Variants in YIPF7 observed in about 807,000 individuals in gnomAD.
YIPF7 encodes protein YIPF7.
In YIPF7, 35 loss-of-function variants were observed where a neutral mutation model predicts 27.2. The ratio of observed to expected loss-of-function variants is 1.29; its 90% CI spans 0.98 to 1.70. The LOEUF is 1.70. Among genes scored for constraint, YIPF7 ranks in the 40% most tolerant of loss-of-function variants. The probability of loss-of-function intolerance (pLI) is 0.00; values close to 1 mark genes in which losing one functional copy is unlikely to be tolerated. For missense variants in YIPF7, 358 were observed against 303.7 expected (o/e 1.18, Z -1.33); for synonymous variants, 137 against 110.4 (o/e 1.24, Z -1.51).
intron 2 of YIPF7, among the ~76,000 whole-genome samples, chr4:44,649,498 C>T (rs1713648276): frequency 6.6e-6 from 1 of 152,044 alleles, no homozygotes; most frequent in African/African-American, 2.4e-5. Flanking sequence ...CAGCTCAGTG[C>T]GGTTGTTAAT....
At chr4:44,654,887 A>C (rs1713848045), upstream of YIPF7, among the ~76,000 whole-genome samples, 1 of 152,024 alleles carries the variant, frequency 6.6e-6, no homozygotes, top group African/African-American at 2.4e-5. Context: ...TAAAAAGTGA[A>C]ATATCACTTT....
chr4:44,637,126 A>G (rs1713153740), intron 2 of YIPF7, among the ~76,000 whole-genome samples: 2 of 151,954 alleles, frequency 1.3e-5, no homozygotes, highest in Admixed American at 6.6e-5. Flanking sequence ...TATATACCAC[A>G]TTTTCTTTAT....
chr4:44,655,727 T>A (rs1163699044), upstream of YIPF7, among the ~76,000 whole-genome samples: 1 of 152,054 alleles, frequency 6.6e-6, no homozygotes, highest in Non-Finnish European at 1.5e-5. Flanking sequence ...TTTAATGCAT[T>A]TTTATCAGTA....
intron 2 of YIPF7, among the ~76,000 whole-genome samples, chr4:44,640,120 A>G (rs1228443628): frequency 6.6e-6 from 1 of 152,128 alleles, no homozygotes; most frequent in Non-Finnish European, 1.5e-5. Context: ...ATTTGCATCT[A>G]TGTTCATCAG....
chr4:44,644,941 A>G (rs1348934868), intron 2 of YIPF7, among the ~76,000 whole-genome samples: 1 of 152,114 alleles, frequency 6.6e-6, no homozygotes, highest in East Asian at 1.9e-4. Context: ...AAAGATGTGC[A>G]GCACCTCCCC....
chr4:44,641,669 C>A (rs566949513), intron 2 of YIPF7, among the ~76,000 whole-genome samples: 2 of 152,236 alleles, frequency 1.3e-5, no homozygotes, highest in East Asian at 3.9e-4. Flanking sequence ...ACATATTCGA[C>A]CTCCTTTATG....
At chr4:44,656,041 C>A (rs1297011132), upstream of YIPF7, among the ~76,000 whole-genome samples, 1 of 151,874 alleles carries the variant, frequency 6.6e-6, no homozygotes, top group Non-Finnish European at 1.5e-5. Flanking sequence ...CCTGCCAAGA[C>A]TTTGTCTTTA....
At chr4:44,657,541 T>C (rs1365153457) in intron 2 of YIPF7, among the ~76,000 whole-genome samples, 1 of 152,116 alleles carries the variant, frequency 6.6e-6, no homozygotes, top group Non-Finnish European at 1.5e-5. Flanking sequence ...CATGCCACAA[T>C]GTGAAAAACT....
intron 2 of YIPF7, among the ~76,000 whole-genome samples, chr4:44,641,668 A>G (rs745898204): frequency 6.6e-6 from 1 of 151,774 alleles, no homozygotes; most frequent in Admixed American, 6.6e-5. Context: ...AACATATTCG[A>G]CCTCCTTTAT....
upstream of YIPF7, among the ~76,000 whole-genome samples, chr4:44,654,367 G>T (rs76708404): frequency 0.028 from 4,239 of 151,970 alleles, 189 homozygotes; most frequent in African/African-American, 0.098. Context: ...GGTGAATAAA[G>T]TTTCTCACCT....
chr4:44,661,070 G>A lies in YIPF7; in HGVS notation c.-171-452C>T, dbSNP rs558642413. On this transcript the variant is annotated intron_variant, in intron 1 of 2. Coordinates refer to the YIPF7 transcript ENST00000508947. ...TTAAGATTCTAAGTGGAATTTAGAG[G>A]AAATTTAAAAAGGCCAGGACTTGCT... Among the ~76,000 whole-genome samples the A allele has an allele frequency of 9.2e-5, 14 of 152,266 alleles. No homozygotes were observed. In the Middle Eastern group the frequency reaches 0.014, roughly 148 times the overall value.
At chr4:44,654,061 T>C (rs1226658876), upstream of YIPF7, among the ~76,000 whole-genome samples, 1 of 152,004 alleles carries the variant, frequency 6.6e-6, no homozygotes, top group Non-Finnish European at 1.5e-5. Flanking sequence ...AAGTGAATTA[T>C]AAACCATGGA....
intron 2 of YIPF7, among the ~76,000 whole-genome samples, chr4:44,641,320 C>T (rs1037568072): frequency 3.9e-5 from 6 of 152,082 alleles, no homozygotes; most frequent in African/African-American, 7.2e-5. Context: ...ATAAAACATG[C>T]TTGAAATGCT....
intron 3 of YIPF7, among the ~76,000 whole-genome samples, chr4:44,634,787 T>C (rs1181576823): frequency 6.6e-6 from 1 of 152,212 alleles, no homozygotes; most frequent in Non-Finnish European, 1.5e-5. Flanking sequence ...CTTATGTTTC[T>C]ATGTTTTCCA....
At position 44,629,525 on chromosome 4, in the gene YIPF7, T is replaced by C. The variant is rs1404894225; in HGVS notation, c.304A>G (p.Ile102Val). The C allele has an allele frequency of 1.9e-6, 3 of 1,555,336 alleles. No homozygotes were observed. Among genetic ancestry groups the C allele is most frequent in the Middle Eastern group, 1.7e-4 (1 of 5,928 alleles). ...AACACTGTCAAAGTTTTTTGCCATA[T>C]GTGATCAAAATGGATTCCAAGTTCT... is the stretch of plus-strand genomic sequence containing the variant. Reference protein sequence around the residue: ...LEELGIHFDHIWQKTLTVLNP... With the variant: ...LEELGIHFDHVWQKTLTVLNP... The change falls in exon 4 of 6, where the codon ATA becomes GTA. Residue 102 changes from isoleucine to valine, a missense_variant. By Grantham distance (29) the Ile-to-Val change is conservative. Coordinates refer to ENST00000415895, the MANE Select transcript of YIPF7 (RefSeq NM_182592.3).
chr4:44,640,759 C>A (rs1221009999), intron 2 of YIPF7, among the ~76,000 whole-genome samples: 1 of 152,150 alleles, frequency 6.6e-6, no homozygotes, highest in Non-Finnish European at 1.5e-5. Context: ...CTGCTTCCTG[C>A]ACTGGTGGCT....
At chr4:44,643,018 T>C (rs776882479) in intron 2 of YIPF7, among the ~76,000 whole-genome samples, 79 of 152,158 alleles carry the variant, frequency 5.2e-4, no homozygotes, top group Admixed American at 1.0e-3. Context: ...GAAGTGGTTT[T>C]GGAACTGGGT....
At chr4:44,643,163 CT>C (rs1713395519) in intron 2 of YIPF7, among the ~76,000 whole-genome samples, 1 of 152,156 alleles carries the variant, frequency 6.6e-6, no homozygotes, top group Non-Finnish European at 1.5e-5. Context: ...GAAGTCTAGG[CT>C]GAGATCTCAG....
At position 44,624,753 on chromosome 4, in the gene YIPF7, A is replaced by C; in HGVS notation, c.456T>G (p.Tyr152Ter). 1 of 1,611,762 alleles carries C rather than the reference A, an allele frequency of 6.2e-7. No individual in the cohort carries two copies. Among genetic ancestry groups the C allele is most frequent in the Non-Finnish European group, 8.5e-7 (1 of 1,179,014 alleles). ...CAAGGCAGCCAATGGCACTCATGCC[A>C]TACACATAACCAAACTGAACTTTTC... ...LAGKVQFGYV[Y>*]GMSAIGCLVI... Residue 152 changes from tyrosine to a stop codon, truncating the protein, a stop_gained, in exon 5 of 6, where the codon TAT (tyrosine) becomes TAG (stop). Coordinates refer to ENST00000415895, the MANE Select transcript of YIPF7 (RefSeq NM_182592.3). LOFTEE classifies it high-confidence loss of function.
Sources: gnomAD v4.1 joint callset for allele counts (sites outside exome capture counted in the v4.1 genomes callset) on GRCh38, gnomAD v4.1.1 for gene constraint, MANE v1.5 for transcripts, NCBI Gene and HGNC (gene_info 2026-07-23, HGNC 2026-07-21) for gene names.